SNPH: variants seen among roughly 807,000 people sequenced by gnomAD.
SNPH encodes the protein syntaphilin.
A neutral mutation model predicts 36.8 loss-of-function variants in SNPH; 10 were observed. That is an observed-to-expected ratio of 0.27 (90% confidence interval 0.17 to 0.46). SNPH has a LOEUF of 0.46. Ranked by LOEUF, SNPH falls within the 20% of genes least tolerant of loss-of-function variation. The probability of loss-of-function intolerance (pLI) is 1.00; values close to 1 mark genes in which losing one functional copy is unlikely to be tolerated. For synonymous variants in SNPH, 281 were observed against 312.2 expected (o/e 0.90, Z 1.05); for missense variants, 622 against 744.0 (o/e 0.84, Z 1.91).
At position 1,273,771 on chromosome 20, in the gene SNPH, A is replaced by G. The variant is rs553453999; in HGVS notation, c.-493+7011A>G. On this transcript the variant is annotated intron_variant, in intron 2 of 6. Coordinates refer to ENST00000381867, the MANE Select transcript of SNPH (RefSeq NM_001318234.2). ...ATTGGGCAGATGCAGAAGAAAGGCA[A>G]CGTAAAGATGGGACGGAGAAAAAAA... Among the ~76,000 whole-genome samples, 206 of 152,308 alleles carry G rather than the reference A, an allele frequency of 1.4e-3. 1 individual carries two copies. The highest frequency in any genetic ancestry group is 4.8e-3 in the African/African-American group (198 of 41,566).
At chr20:1,267,079 A>G (rs1568535174) in intron 2 of SNPH, among the ~76,000 whole-genome samples, 1 of 152,050 alleles carries the variant, frequency 6.6e-6, no homozygotes, top group South Asian at 2.1e-4. Context: ...CAAACATTTA[A>G]GCTTCTCTTT....
At chr20:1,296,898 C>A (rs1302536175) in intron 4 of SNPH, 1 of 276,654 alleles carries the variant, frequency 3.6e-6, no homozygotes, top group Non-Finnish European at 5.5e-6. Flanking sequence ...CCTTGCCCTG[C>A]AGCCCTGCCG....
chr20:1,266,884 T>C lies in SNPH; in HGVS notation c.-493+124T>C. 8.2e-7 allele frequency: 1 copy of C among 1,222,500 alleles called. No homozygotes were observed. Among genetic ancestry groups the C allele is most frequent in the Non-Finnish European group, 1.0e-6 (1 of 970,750 alleles). 75.7% of individuals were successfully genotyped at this position (1,222,500 alleles called of 1,614,324 possible). A position where few individuals can be genotyped will look rare whatever the true frequency, so the allele number is the denominator to read the frequency against. The stretch of plus-strand genomic sequence containing the variant: ...GCACCAGCCTAAGAGGGGTTAATCG[T>C]GACTCATTCTTACCCTCCCTTCATT... On this transcript the variant is annotated intron_variant, in intron 2 of 6. Coordinates refer to ENST00000381867, the MANE Select transcript of SNPH (RefSeq NM_001318234.2). The surrounding 1 kb of genome is among the most constrained non-coding windows in gnomAD (Gnocchi z 6.0).
chr20:1,303,038 T>C (rs12624336), intron 6 of SNPH, among the ~76,000 whole-genome samples: 59,223 of 152,136 alleles, frequency 0.39, 11,655 homozygotes, highest in Middle Eastern at 0.57. Flanking sequence ...GTAGGTGTGC[T>C]AACACCTTGA....
rs1345649690 is a variant in SNPH, at chr20:1,300,919, G to T, written c.440+208G>T. On this transcript the variant is annotated intron_variant, in intron 6 of 6. Transcript: ENST00000381867. ...CTCACCTTGACTGCTCCACGAGGCT[G>T]TTGGGGGCCAGGCGGGAGCAGTTTC... Among the ~76,000 whole-genome samples, 10 of 152,352 alleles carry T rather than the reference G, an allele frequency of 6.6e-5. 1 individual carries two copies. The highest frequency in any genetic ancestry group is 2.4e-4 in the African/African-American group (10 of 41,590).
chr20:1,281,166 C>CTA (rs2088214142), intron 2 of SNPH, among the ~76,000 whole-genome samples: 1 of 152,196 alleles, frequency 6.6e-6, no homozygotes, highest in Admixed American at 6.5e-5. Context: ...TCCCTACAGC[C>CTA]TATCTCTTCT....
At chr20:1,267,231 A>G (rs1344571470) in intron 2 of SNPH, among the ~76,000 whole-genome samples, 1 of 137,388 alleles carries the variant, frequency 7.3e-6, no homozygotes, top group Non-Finnish European at 1.5e-5. Context: ...AGATCTGGGG[A>G]AAAAATGCCC....
At chr20:1,297,297 C>A (rs1269976127) in intron 5 of SNPH, 45 bp downstream of exon 5, 3 of 1,582,130 alleles carry the variant, frequency 1.9e-6, no homozygotes, top group African/African-American at 1.3e-5. Flanking sequence ...TGGCTGGGAA[C>A]AGGTTGTCCT....
rs2088558045 is a variant in SNPH at position 1,305,336 on chromosome 20, A to G, written c.899A>G (p.Asp300Gly). ...GCCGATGACACACTGAGCCGGACGG[A>G]CGCGCTGGAAGCCAGCAGCCTGCTG... ...AAADDTLSRTDALEASSLLSS... is the reference protein window; with the variant it reads ...AAADDTLSRTGALEASSLLSS... Residue 300 changes from aspartate to glycine, a missense_variant, in exon 7 of 7, where the codon GAC (aspartate) becomes GGC (glycine). Asp to Gly is a moderately conservative substitution (Grantham distance 94, BLOSUM62 -1). Transcript: ENST00000381867. 1 of 1,611,066 alleles carries G rather than the reference A, an allele frequency of 6.2e-7. No individual in the cohort carries two copies. Among genetic ancestry groups the G allele is most frequent in the South Asian group, 1.1e-5 (1 of 90,970 alleles).
intron 2 of SNPH, among the ~76,000 whole-genome samples, chr20:1,281,400 C>CTTGACCTTGAACTGTAAACCTGACT (rs2088220340): frequency 6.6e-6 from 1 of 152,228 alleles, no homozygotes; most frequent in African/African-American, 2.4e-5. Flanking sequence ...TTAGGCCTGC[C>CTTGACCTTGAACTGTAAACCTGACT]TTGACCTTGA....
intron 5 of SNPH, among the ~76,000 whole-genome samples, chr20:1,298,947 A>G (rs1445539721): frequency 6.6e-6 from 1 of 151,812 alleles, no homozygotes; most frequent in Admixed American, 6.6e-5. Flanking sequence ...AAAAGAATGT[A>G]AAATAGTTAC....
At chr20:1,286,089 TAAAAAAAAAAAAA>T (rs11475556) in intron 2 of SNPH, among the ~76,000 whole-genome samples, 1 of 100,526 alleles carries the variant, frequency 9.9e-6, no homozygotes, top group South Asian at 3.4e-4. Context: ...GACTCCATCT[TAAAAAAAAAAAAA>T]AAAAAAAAAA....
At chr20:1,302,621 A>T (rs1054337327) in intron 6 of SNPH, among the ~76,000 whole-genome samples, 1 of 152,132 alleles carries the variant, frequency 6.6e-6, no homozygotes, top group Admixed American at 6.5e-5. Flanking sequence ...TCCCATTAGC[A>T]ATCACCGCCA....
chr20:1,277,901 ATC>A (rs1480789830), intron 2 of SNPH, among the ~76,000 whole-genome samples: 4 of 65,258 alleles, frequency 6.1e-5, no homozygotes, highest in Non-Finnish European at 1.2e-4. Context: ...CTGTGTATGT[ATC>A]TGTGTGTGTG....
intron 2 of SNPH, among the ~76,000 whole-genome samples, chr20:1,270,603 C>T (rs750744504): frequency 6.6e-6 from 1 of 152,182 alleles, no homozygotes; most frequent in Non-Finnish European, 1.5e-5. Flanking sequence ...TCCAAGCTCA[C>T]GCTGTAACAC....
chr20:1,266,559 G>A lies in SNPH; in HGVS notation c.-599-95G>A, dbSNP rs907866461. Reference sequence around the variant, plus strand: ...CTGCCCTCCAAGCCTTCTGGCTGCAGCGGCCCAGCTGTCAGCGGCCGGGGG... The same window carrying A: ...CTGCCCTCCAAGCCTTCTGGCTGCAACGGCCCAGCTGTCAGCGGCCGGGGG... On this transcript the variant is annotated intron_variant, in intron 1 of 6. Transcript: ENST00000381867. This position sits in a 1 kb window ranked among gnomAD's most constrained non-coding sequence, Gnocchi z 6.0. The A allele has an allele frequency of 6.9e-5, 95 of 1,378,732 alleles. No individual in the cohort carries two copies. In the African/African-American group the frequency reaches 1.2e-3, roughly 17 times the overall value. 85.4% of individuals were successfully genotyped at this position (1,378,732 alleles called of 1,614,324 possible). A position where few individuals can be genotyped will look rare whatever the true frequency, so the allele number is the denominator to read the frequency against.
chr20:1,281,480 GC>G (rs1282814077), intron 2 of SNPH, among the ~76,000 whole-genome samples: 1 of 152,236 alleles, frequency 6.6e-6, no homozygotes, highest in Admixed American at 6.5e-5. Flanking sequence ...GCTTTTTTCT[GC>G]TGGCTCAGCC....
chr20:1,289,475 A>T (rs80183656), intron 2 of SNPH, among the ~76,000 whole-genome samples: 1 of 150,510 alleles, frequency 6.6e-6, no homozygotes, highest in African/African-American at 2.5e-5. Flanking sequence ...TTTCTGGACC[A>T]TGCCTGTCTT....
intron 2 of SNPH, among the ~76,000 whole-genome samples, chr20:1,287,679 A>G (rs1362962613): frequency 6.6e-6 from 1 of 152,172 alleles, no homozygotes; most frequent in African/African-American, 2.4e-5. Flanking sequence ...CATTTACCTA[A>G]TCTTACATCC....
Sources: gnomAD v4.1 joint callset for allele counts (sites outside exome capture counted in the v4.1 genomes callset) on GRCh38, gnomAD v4.1.1 for gene constraint, Gnocchi (gnomAD v3.1) non-coding constraint, MANE v1.5 for transcripts, NCBI Gene and HGNC (gene_info 2026-07-23, HGNC 2026-07-21) for gene names.